The following GLRA1 variants were observed in gnomAD, a reference collection of about 807,000 sequenced individuals.
The protein encoded by GLRA1 is glycine receptor subunit alpha-1.
In GLRA1, 37 loss-of-function variants were observed where a neutral mutation model predicts 48.3. The ratio of observed to expected loss-of-function variants is 0.77; its 90% CI spans 0.59 to 1.01. GLRA1 has a LOEUF of 1.01. GLRA1 is among the 50% of genes least tolerant of loss of function. GLRA1 has a pLI of 0.00. For missense variants in GLRA1, 427 were observed against 571.0 expected (o/e 0.75, Z 2.57); for synonymous variants, 196 against 210.7 (o/e 0.93, Z 0.60).
intron 1 of GLRA1, among the ~76,000 whole-genome samples, chr5:151,900,816 A>G (rs1302851449): frequency 6.6e-6 from 1 of 152,184 alleles, no homozygotes; most frequent in East Asian, 1.9e-4. Context: ...TGTTATATAG[A>G]CAAAACCCTG....
chr5:151,854,541 A>G (rs994615404), intron 6 of GLRA1, among the ~76,000 whole-genome samples: 1 of 152,310 alleles, frequency 6.6e-6, no homozygotes, highest in East Asian at 1.9e-4. Flanking sequence ...ATCTTCCAAC[A>G]AAAGCATGGG....
intron 1 of GLRA1, among the ~76,000 whole-genome samples, chr5:151,922,360 T>C (rs1754897479): frequency 6.6e-6 from 1 of 152,244 alleles, no homozygotes; most frequent in Admixed American, 6.5e-5. Flanking sequence ...ATTGAACAAA[T>C]ACAATCTGCT....
chr5:151,913,090 G>A (rs958879685), intron 1 of GLRA1, among the ~76,000 whole-genome samples: 50 of 152,342 alleles, frequency 3.3e-4, no homozygotes, highest in African/African-American at 1.2e-3. Context: ...GGCATGGATA[G>A]CATCTCAGAG....
intron 8 of GLRA1, among the ~76,000 whole-genome samples, chr5:151,824,218 T>TGAACTCCTGGCCTC (rs1164779297): frequency 6.6e-6 from 1 of 151,742 alleles, no homozygotes; most frequent in East Asian, 1.9e-4. Flanking sequence ...AGTCTGGTCT[T>TGAACTCCTGGCCTC]GAACTCCTGG....
At chr5:151,869,341 T>C (rs372476846) in intron 3 of GLRA1, among the ~76,000 whole-genome samples, 13 of 150,694 alleles carry the variant, frequency 8.6e-5, no homozygotes, top group Admixed American at 5.3e-4. Flanking sequence ...TGGCCTCAAG[T>C]GATCCACCCG....
intron 7 of GLRA1, among the ~76,000 whole-genome samples, chr5:151,834,445 A>G (rs1763514271): frequency 6.6e-6 from 1 of 152,212 alleles, no homozygotes; most frequent in Admixed American, 6.5e-5. Context: ...AAGACACAAC[A>G]TACCAGAATC....
chr5:151,850,661 G>A (rs1471850064), intron 7 of GLRA1: 4 of 1,354,716 alleles, frequency 3.0e-6, no homozygotes, highest in Non-Finnish European at 4.2e-6. Context: ...CTGGACTGTT[G>A]GCCAGGAGAA....
intron 1 of GLRA1, among the ~76,000 whole-genome samples, chr5:151,908,275 C>T (rs562581077): frequency 6.6e-6 from 1 of 152,292 alleles, no homozygotes; most frequent in African/African-American, 2.4e-5. Flanking sequence ...TGTGAGGATC[C>T]TTCCTTTTCT....
chr5:151,852,593 C>T (rs1752941209), intron 6 of GLRA1, among the ~76,000 whole-genome samples: 1 of 152,218 alleles, frequency 6.6e-6, no homozygotes, highest in Non-Finnish European at 1.5e-5. Context: ...CTGGAGTTCC[C>T]TGGACTGTAA....
intron 1 of GLRA1, among the ~76,000 whole-genome samples, chr5:151,896,821 A>G (rs533260022): frequency 2.0e-5 from 3 of 152,356 alleles, no homozygotes; most frequent in Admixed American, 6.5e-5. Context: ...ATTACTTGCC[A>G]TAATGGAAGA....
intron 7 of GLRA1, among the ~76,000 whole-genome samples, chr5:151,835,049 AAG>A (rs1257669489): frequency 1.1e-4 from 16 of 144,818 alleles, no homozygotes; most frequent in South Asian, 4.5e-4. Context: ...AAAAAAAAAA[AAG>A]AGAAGAATGA....
At chr5:151,909,367 G>A (rs1300124970) in intron 1 of GLRA1, among the ~76,000 whole-genome samples, 1 of 152,166 alleles carries the variant, frequency 6.6e-6, no homozygotes, top group East Asian at 1.9e-4. Context: ...TCAAATTGCA[G>A]CCCATGGTCA....
chr5:151,886,675 A>C (rs778929422), intron 3 of GLRA1, 46 bp downstream of exon 3: 1 of 1,301,534 alleles, frequency 7.7e-7, no homozygotes, highest in South Asian at 1.2e-5. Context: ...TTTCATGGAG[A>C]GATATCTCCA....
At chr5:151,827,267 T>G (rs1464447017) in intron 8 of GLRA1, among the ~76,000 whole-genome samples, 1 of 152,058 alleles carries the variant, frequency 6.6e-6, no homozygotes, top group Non-Finnish European at 1.5e-5. Context: ...CTATCTGGCT[T>G]GCTGAACCCA....
chr5:151,881,322 CTTT>C (rs10714651), intron 3 of GLRA1, among the ~76,000 whole-genome samples: 21 of 133,112 alleles, frequency 1.6e-4, no homozygotes, highest in Non-Finnish European at 1.8e-4. Context: ...TTTGTTTTTC[CTTT>C]TTTTTTTTTT....
chr5:151,828,273 G>A (rs905647665), intron 8 of GLRA1, among the ~76,000 whole-genome samples: 2 of 152,162 alleles, frequency 1.3e-5, no homozygotes, highest in African/African-American at 4.8e-5. Context: ...ATCTTCTGGG[G>A]AACTAGTTAT....
chr5:151,907,771 C>T (rs796239003), intron 1 of GLRA1, among the ~76,000 whole-genome samples: 5 of 152,278 alleles, frequency 3.3e-5, no homozygotes, highest in African/African-American at 1.2e-4. Context: ...GATTGCAGCC[C>T]CTGGGCAATT....
At chr5:151,843,509 C>T (rs1480683978) in intron 7 of GLRA1, among the ~76,000 whole-genome samples, 1 of 152,062 alleles carries the variant, frequency 6.6e-6, no homozygotes, top group Non-Finnish European at 1.5e-5. Flanking sequence ...GATCTGCCCA[C>T]CTCAGCCTCC....
chr5:151,833,834 G>T (rs1253885828), intron 7 of GLRA1, among the ~76,000 whole-genome samples: 3 of 134,342 alleles, frequency 2.2e-5, no homozygotes, highest in East Asian at 2.1e-4. Context: ...TGCAATCCTA[G>T]TTTCTGATAA....
Sources: allele counts gnomAD v4.1 joint callset (sites outside exome capture counted in the v4.1 genomes callset), GRCh38; gene constraint gnomAD v4.1.1; transcripts MANE v1.5; gene names NCBI Gene and HGNC (gene_info 2026-07-23, HGNC 2026-07-21).